DPP10: variants seen among roughly 807,000 people sequenced by gnomAD.
The protein encoded by DPP10 is inactive dipeptidyl peptidase 10.
DPP10 carries 33 observed loss-of-function variants against 120.9 expected under a neutral mutation model. The ratio of observed to expected loss-of-function variants is 0.27; its 90% CI spans 0.21 to 0.37. The LOEUF (loss-of-function observed/expected upper bound fraction) is 0.37. Among genes scored for constraint, DPP10 ranks in the 10% least tolerant of loss-of-function variants. DPP10 has a pLI of 1.00. For missense variants in DPP10, 816 were observed against 942.8 expected (o/e 0.87, Z 1.76); for synonymous variants, 337 against 326.1 (o/e 1.03, Z -0.36).
intron 2 of DPP10, among the ~76,000 whole-genome samples, chr2:115,315,086 A>C (rs184207521): frequency 6.6e-6 from 1 of 151,950 alleles, no homozygotes; most frequent in African/African-American, 2.4e-5. Context: ...GACTAAATTG[A>C]CCTTGGTATT....
chr2:115,600,889 C>T (rs571055782), intron 5 of DPP10, among the ~76,000 whole-genome samples: 7 of 152,152 alleles, frequency 4.6e-5, no homozygotes, highest in Non-Finnish European at 7.4e-5. Flanking sequence ...TGCTGTTTAA[C>T]GGGGACACAA....
chr2:115,426,140 C>T (rs112577337), intron 3 of DPP10, among the ~76,000 whole-genome samples: 10 of 4,040 alleles, frequency 2.5e-3, no homozygotes, highest in South Asian at 0.013. Context: ...GTGCCACCTC[C>T]GACGCTGGAG....
At chr2:114,979,052 A>G (rs1296825811) in intron 1 of DPP10, among the ~76,000 whole-genome samples, 2 of 152,108 alleles carry the variant, frequency 1.3e-5, no homozygotes, top group East Asian at 3.9e-4. Context: ...ATTTTCTTCC[A>G]CTGAGCAATC....
intron 1 of DPP10, among the ~76,000 whole-genome samples, chr2:114,978,345 G>A (rs943957085): frequency 3.9e-5 from 6 of 152,024 alleles, no homozygotes; most frequent in African/African-American, 1.4e-4. Context: ...AGTAGGTCGG[G>A]GAAATGACCA....
intron 1 of DPP10, chr2:115,162,018 C>A (rs1311042292): frequency 3.6e-6 from 5 of 1,387,100 alleles, no homozygotes; most frequent in Non-Finnish European, 4.6e-6. Flanking sequence ...CAGGCGCAGC[C>A]GGCGGACCAG....
chr2:115,601,287 T>C (rs2083304946), intron 5 of DPP10, among the ~76,000 whole-genome samples: 1 of 152,238 alleles, frequency 6.6e-6, no homozygotes, highest in African/African-American at 2.4e-5. Flanking sequence ...CATTAAGGTT[T>C]CCTAAGATTC....
chr2:114,630,215 C>G (rs1694819348), intron 1 of DPP10, among the ~76,000 whole-genome samples: 1 of 151,950 alleles, frequency 6.6e-6, no homozygotes, highest in Non-Finnish European at 1.5e-5. Context: ...TGAAAAATTC[C>G]TTTACTTTAG....
At chr2:114,831,950 T>C (rs1005096130) in intron 1 of DPP10, among the ~76,000 whole-genome samples, 1 of 150,606 alleles carries the variant, frequency 6.6e-6, no homozygotes, top group Non-Finnish European at 1.5e-5. Context: ...CTCTCTCTTT[T>C]TTTAAATATG....
At chr2:115,625,909 C>T (rs1170898113) in intron 5 of DPP10, among the ~76,000 whole-genome samples, 2 of 151,784 alleles carry the variant, frequency 1.3e-5, no homozygotes, top group Non-Finnish European at 2.9e-5. Context: ...AGTATTTTAA[C>T]TTTTGTTTCA....
At chr2:114,786,912 C>T (rs1682815623) in intron 1 of DPP10, among the ~76,000 whole-genome samples, 1 of 152,116 alleles carries the variant, frequency 6.6e-6, no homozygotes, top group Non-Finnish European at 1.5e-5. Context: ...TTGGAACAAT[C>T]CCGACCCCTC....
chr2:115,481,503 A>G (rs2075424732), intron 3 of DPP10, among the ~76,000 whole-genome samples: 2 of 152,108 alleles, frequency 1.3e-5, no homozygotes, highest in African/African-American at 4.8e-5. Flanking sequence ...CAGGAGTTTT[A>G]GTTGCTGATT....
intron 1 of DPP10, among the ~76,000 whole-genome samples, chr2:115,286,648 A>C (rs1287677856): frequency 6.8e-6 from 1 of 147,542 alleles, no homozygotes; most frequent in Admixed American, 6.8e-5. Context: ...TCGAGGAAGG[A>C]GGTAAGGGTG....
At chr2:115,815,428 C>T (rs921355209) in intron 20 of DPP10, among the ~76,000 whole-genome samples, 3 of 152,098 alleles carry the variant, frequency 2.0e-5, no homozygotes, top group Non-Finnish European at 4.4e-5. Flanking sequence ...GATGTTGATT[C>T]AGTAGGCCTG....
intron 1 of DPP10, among the ~76,000 whole-genome samples, chr2:114,906,608 G>T (rs895943651): frequency 6.6e-6 from 1 of 152,078 alleles, no homozygotes; most frequent in Non-Finnish European, 1.5e-5. Context: ...TAGCTATTGA[G>T]ATGACCATGA....
Position 115,606,991 on chromosome 2 carries a change from A to T in DPP10, c.441+81019A>T, listed in dbSNP as rs138116858. On this transcript the variant is annotated intron_variant, in intron 5 of 25. Transcript: ENST00000410059. ...ATGCCCTTGGCCATGTGAGGTTGGG[A>T]TAGCTCTTAATTAGTCTGCAACTCC... Among the ~76,000 whole-genome samples, 558 of 152,258 alleles carry T rather than the reference A, an allele frequency of 3.7e-3. 3 individuals are homozygous for T. Among genetic ancestry groups the T allele is most frequent in the Admixed American group, 8.3e-3 (127 of 15,284 alleles).
intron 3 of DPP10, among the ~76,000 whole-genome samples, chr2:115,441,558 A>G (rs899630828): frequency 3.3e-5 from 5 of 152,116 alleles, no homozygotes; most frequent in Admixed American, 2.6e-4. Context: ...GAGATGCCCT[A>G]TGGTTATGTT....
chr2:115,265,943 CAAA>C (rs397985556), intron 1 of DPP10, among the ~76,000 whole-genome samples: 1 of 78,346 alleles, frequency 1.3e-5, no homozygotes. Context: ...GACTCTATTT[CAAA>C]AAAAAAAAAA....
At chr2:115,081,625 T>A (rs532163171) in intron 1 of DPP10, among the ~76,000 whole-genome samples, 2 of 152,338 alleles carry the variant, frequency 1.3e-5, no homozygotes, top group African/African-American at 4.8e-5. Context: ...CCGTTTTCCA[T>A]TTCTGTCCTT....
chr2:114,988,562 A>G (rs1268911216), intron 1 of DPP10, among the ~76,000 whole-genome samples: 4 of 152,140 alleles, frequency 2.6e-5, no homozygotes, highest in African/African-American at 9.7e-5. Flanking sequence ...TTTAAAAACA[A>G]TCTCTCCTTA....
Sources: allele counts gnomAD v4.1 joint callset (sites outside exome capture counted in the v4.1 genomes callset), GRCh38; gene constraint gnomAD v4.1.1; transcripts MANE v1.5; gene names NCBI Gene and HGNC (gene_info 2026-07-23, HGNC 2026-07-21).